Variants in SCAPER observed in about 807,000 individuals in gnomAD.
SCAPER encodes S phase cyclin A-associated protein in the endoplasmic reticulum.
SCAPER carries 98 observed loss-of-function variants against 182.2 expected under a neutral mutation model. The ratio of observed to expected loss-of-function variants is 0.54; its 90% confidence interval spans 0.46 to 0.64. The LOEUF (loss-of-function observed/expected upper bound fraction) is 0.64, where lower values mean the gene tolerates loss of function less well. Among genes scored for constraint, SCAPER ranks in the 30% least tolerant of loss-of-function variants. The pLI is 0.00. For synonymous variants in SCAPER, 605 were observed against 564.6 expected (o/e 1.07, Z -1.01); for missense variants, 1,432 against 1,690.0 (o/e 0.85, Z 2.68).
intron 24 of SCAPER, among the ~76,000 whole-genome samples, chr15:76,476,406 C>T (rs962045259): frequency 4.6e-5 from 7 of 151,584 alleles, no homozygotes; most frequent in Admixed American, 6.6e-5. Flanking sequence ...TCCTTCCTTT[C>T]CCTTCCTTTC....
intron 17 of SCAPER, among the ~76,000 whole-genome samples, chr15:76,726,156 A>ATATATATAAAT (rs56986282): frequency 1.1e-4 from 9 of 79,724 alleles, no homozygotes; most frequent in African/African-American, 4.7e-4. Flanking sequence ...TATATATATA[A>ATATATATAAAT]AAAACTCTAT....
chr15:76,786,033 A>T lies in SCAPER; in HGVS notation c.772+9247T>A, dbSNP rs184983333. 2.8e-3 allele frequency among the ~76,000 whole-genome samples: 425 copies of T among 152,070 alleles called. 1 individual carries two copies. Among genetic ancestry groups the T allele is most frequent in the Non-Finnish European group, 4.9e-3 (334 of 67,976 alleles). ...TAGAACTAAAAGTATAATAATATTT[A>T]AAAAAAATCAATGGGCTGAGTACGG... On this transcript the variant is annotated intron_variant, in intron 8 of 31. Transcript: ENST00000563290.
At chr15:76,653,666 T>C (rs1040984247) in intron 21 of SCAPER, among the ~76,000 whole-genome samples, 2 of 152,170 alleles carry the variant, frequency 1.3e-5, no homozygotes, top group South Asian at 2.1e-4. Context: ...ATGCAGAAGA[T>C]TGAAGCTGGA....
At chr15:76,702,709 A>G in intron 19 of SCAPER, 141 bp downstream of exon 19, 1 of 918,878 alleles carries the variant, frequency 1.1e-6, no homozygotes, top group East Asian at 2.9e-5. Flanking sequence ...TCAGTCTCCT[A>G]AAGTGCTGAA....
intron 28 of SCAPER, among the ~76,000 whole-genome samples, chr15:76,378,575 C>T (rs1568083): frequency 0.13 from 20,359 of 152,210 alleles, 2,031 homozygotes; most frequent in East Asian, 0.46. Context: ...CGTCCATCTA[C>T]ATAAATGGTG....
chr15:76,875,107 G>GA (rs2073045701), intron 2 of SCAPER, among the ~76,000 whole-genome samples: 1 of 152,128 alleles, frequency 6.6e-6, no homozygotes, highest in Admixed American at 6.5e-5. Context: ...AGTTACTGAA[G>GA]AAATTGAATC....
intron 14 of SCAPER, 39 bp downstream of exon 14, chr15:76,764,922 C>A: frequency 7.9e-7 from 1 of 1,272,110 alleles, no homozygotes; most frequent in South Asian, 1.4e-5. Flanking sequence ...AGCCCAGCAA[C>A]TTCAGACTAT....
intron 15 of SCAPER, among the ~76,000 whole-genome samples, chr15:76,750,538 C>T (rs2062029275): frequency 6.6e-6 from 1 of 151,760 alleles, no homozygotes; most frequent in African/African-American, 2.4e-5. Flanking sequence ...CAACAAAATA[C>T]TAGTGAAGCA....
chr15:76,677,190 T>G (rs2057416683), intron 20 of SCAPER, among the ~76,000 whole-genome samples: 1 of 152,158 alleles, frequency 6.6e-6, no homozygotes, highest in Admixed American at 6.5e-5. Flanking sequence ...CCTAATATAA[T>G]TTTTAAAATG....
At chr15:76,837,910 G>A (rs2069096477) in intron 5 of SCAPER, among the ~76,000 whole-genome samples, 2 of 152,160 alleles carry the variant, frequency 1.3e-5, no homozygotes, top group Non-Finnish European at 2.9e-5. Context: ...ACAGATGCCG[G>A]CAAAGTTGTA....
intron 24 of SCAPER, among the ~76,000 whole-genome samples, chr15:76,495,987 GAGAGAGACACACACACACACAC>G (rs943513037): frequency 5.3e-4 from 9 of 16,862 alleles, no homozygotes; most frequent in African/African-American, 1.2e-3. Flanking sequence ...GAAAGCAAAA[GAGAGAGACACACACACACACAC>G]ACACACACAC....
chr15:76,720,224 A>C (rs1349693999), intron 17 of SCAPER, among the ~76,000 whole-genome samples: 8 of 152,010 alleles, frequency 5.3e-5, no homozygotes, highest in African/African-American at 1.7e-4. Flanking sequence ...ATGATGGTTT[A>C]CAGCTTCATT....
At chr15:76,838,458 C>G (rs2069147515) in intron 5 of SCAPER, among the ~76,000 whole-genome samples, 1 of 152,182 alleles carries the variant, frequency 6.6e-6, no homozygotes, top group Non-Finnish European at 1.5e-5. Flanking sequence ...TCCTATGACT[C>G]TAATACCTTC....
rs191506441 is a variant in SCAPER at position 76,695,988 on chromosome 15, C to A, written c.2508+5770G>T. On this transcript the variant is annotated intron_variant, in intron 20 of 31. Coordinates refer to ENST00000563290, the MANE Select transcript of SCAPER (RefSeq NM_020843.4). ...CTGAGGTATTAGATGGGAAAAAAAC[C>A]AGAAGATTTATTTTAAATTACTTCT... Among the ~76,000 whole-genome samples the A allele has an allele frequency of 3.1e-3, 472 of 152,278 alleles. 5 individuals are homozygous for A. The highest frequency in any genetic ancestry group is 0.011 in the African/African-American group (452 of 41,566).
At chr15:76,370,911 A>C (rs2042119982) in intron 29 of SCAPER, among the ~76,000 whole-genome samples, 1 of 152,244 alleles carries the variant, frequency 6.6e-6, no homozygotes, top group Admixed American at 6.5e-5. Context: ...TCTAAGGGAA[A>C]GAATGGCAGT....
chr15:76,572,074 A>AT (rs548173353), intron 23 of SCAPER, among the ~76,000 whole-genome samples: 10 of 152,212 alleles, frequency 6.6e-5, no homozygotes, highest in Admixed American at 1.3e-4. Context: ...GCCAGACAAC[A>AT]TTTTTCTTCC....
chr15:76,841,416 A>G (rs1347365985), intron 5 of SCAPER, among the ~76,000 whole-genome samples: 1 of 152,106 alleles, frequency 6.6e-6, no homozygotes, highest in Non-Finnish European at 1.5e-5. Flanking sequence ...GGAGGCCGAG[A>G]TGGGTGGATC....
intron 14 of SCAPER, among the ~76,000 whole-genome samples, chr15:76,760,599 G>C (rs922723818): frequency 6.6e-6 from 1 of 152,124 alleles, no homozygotes; most frequent in South Asian, 2.1e-4. Context: ...AGTTCTGGTA[G>C]CCAGCACCAA....
At chr15:76,901,822 C>T (rs1033971670) in intron 1 of SCAPER, among the ~76,000 whole-genome samples, 2 of 152,074 alleles carry the variant, frequency 1.3e-5, no homozygotes, top group Non-Finnish European at 2.9e-5. Context: ...CGGATTCAAG[C>T]GATTCTCCTG....
Sources: allele counts gnomAD v4.1 joint callset (sites outside exome capture counted in the v4.1 genomes callset), GRCh38; gene constraint gnomAD v4.1.1; transcripts MANE v1.5; gene names NCBI Gene and HGNC (gene_info 2026-07-23, HGNC 2026-07-21).